LEPROTL1: variants seen among roughly 807,000 people sequenced by gnomAD.
LEPROTL1 encodes leptin receptor overlapping transcript like 1.
Under a neutral mutation model 15.4 loss-of-function variants are expected in LEPROTL1, and 6 were observed. The ratio of observed to expected loss-of-function variants is 0.39; its 90% CI spans 0.21 to 0.77. LEPROTL1 has a LOEUF of 0.77. Ranked by LOEUF, LEPROTL1 falls within the 30% of genes least tolerant of loss-of-function variation. LEPROTL1 has a pLI of 0.41. For synonymous variants in LEPROTL1, 56 were observed against 52.6 expected, an observed-to-expected ratio of 1.06 and a Z score of -0.28; for missense variants, 128 against 158.1, an observed-to-expected ratio of 0.81 and a Z score of 1.02.
intron 1 of LEPROTL1, chr8:30,095,788 GC>G: frequency 4.3e-6 from 3 of 699,196 alleles, no homozygotes; most frequent in East Asian, 2.7e-5. Context: ...CCCACCCATC[GC>G]CCCCCGGACA....
At chr8:30,112,646 A>G (rs1278136517), downstream of LEPROTL1, among the ~76,000 whole-genome samples, 2 of 151,386 alleles carry the variant, frequency 1.3e-5, no homozygotes, top group African/African-American at 4.8e-5. Context: ...CTGGAGGCAG[A>G]CCACCCAACT....
chr8:30,132,917 A>C (rs1348649446), intron 4 of LEPROTL1: 1 of 1,496,240 alleles, frequency 6.7e-7, no homozygotes, highest in Non-Finnish European at 8.9e-7. Context: ...CTGCAAGATA[A>C]TTTTTTAAAG....
intron 2 of LEPROTL1, among the ~76,000 whole-genome samples, chr8:30,103,059 A>G (rs1327082841): frequency 2.6e-5 from 4 of 152,086 alleles, no homozygotes; most frequent in Admixed American, 1.3e-4. Context: ...AGCCTTGTTT[A>G]TTTTTTGGTT....
intron 2 of LEPROTL1, among the ~76,000 whole-genome samples, chr8:30,103,781 C>T (rs1225352506): frequency 1.3e-5 from 2 of 151,152 alleles, no homozygotes; most frequent in East Asian, 3.9e-4. Context: ...TAAGTAGCTG[C>T]TTATCATTAG....
chr8:30,137,506 C>T (rs1803175553), exon 5 of LEPROTL1: 2 of 1,546,160 alleles, frequency 1.3e-6, no homozygotes, highest in African/African-American at 1.4e-5. Flanking sequence ...ACAATGACAA[C>T]TACTGCTCAG....
At chr8:30,113,917 A>G (rs1265963348) in intron 3 of LEPROTL1, among the ~76,000 whole-genome samples, 1 of 152,120 alleles carries the variant, frequency 6.6e-6, no homozygotes, top group Non-Finnish European at 1.5e-5. Context: ...TACAGTTTTA[A>G]GTATTGGAGC....
intron 3 of LEPROTL1, chr8:30,117,251 G>C: frequency 1.7e-6 from 1 of 587,654 alleles, no homozygotes; most frequent in Non-Finnish European, 3.0e-6. Context: ...GCTTTGGGAG[G>C]TGGAGGCAGG....
At chr8:30,117,835 A>G (rs1016143155) in intron 3 of LEPROTL1, 5 of 627,554 alleles carry the variant, frequency 8.0e-6, no homozygotes, top group Non-Finnish European at 1.4e-5. Context: ...TCTATAAAAA[A>G]TTTTTAAAAT....
intron 3 of LEPROTL1, chr8:30,104,717 T>C (rs1371683129): frequency 1.0e-4 from 29 of 284,826 alleles, no homozygotes; most frequent in Non-Finnish European, 1.3e-4. Flanking sequence ...TTTTTTTCTT[T>C]TTTTTTTTTT....
chr8:30,120,417 G>C (rs562533572), intron 3 of LEPROTL1, among the ~76,000 whole-genome samples: 4 of 151,924 alleles, frequency 2.6e-5, no homozygotes, highest in African/African-American at 9.7e-5. Flanking sequence ...ATATAAAGAG[G>C]GCAAAATGTA....
chr8:30,130,163 G>A (rs1802980183), intron 3 of LEPROTL1, among the ~76,000 whole-genome samples: 1 of 152,150 alleles, frequency 6.6e-6, no homozygotes, highest in African/African-American at 2.4e-5. Context: ...TACTCAACAA[G>A]CTGAGATACC....
chr8:30,100,135 G>T (rs1722517474), intron 1 of LEPROTL1, among the ~76,000 whole-genome samples: 1 of 152,194 alleles, frequency 6.6e-6, no homozygotes, highest in African/African-American at 2.4e-5. Context: ...GGGTTGCCAT[G>T]ACCTGCATCA....
chr8:30,116,820 G>C (rs1802748443), intron 3 of LEPROTL1, among the ~76,000 whole-genome samples: 1 of 152,212 alleles, frequency 6.6e-6, no homozygotes, highest in Admixed American at 6.5e-5. Flanking sequence ...AAGTCAGACA[G>C]ACATCGTGGG....
At chr8:30,124,403 C>A (rs1204917534) in intron 3 of LEPROTL1, among the ~76,000 whole-genome samples, 3 of 152,172 alleles carry the variant, frequency 2.0e-5, no homozygotes, top group Non-Finnish European at 4.4e-5. Context: ...ATTCTGAACA[C>A]ATGGCTGTTC....
chr8:30,134,344 ACCTGG>A (rs1585483334), intron 4 of LEPROTL1, among the ~76,000 whole-genome samples: 1 of 151,844 alleles, frequency 6.6e-6, no homozygotes, highest in East Asian at 1.9e-4. Flanking sequence ...AGTCACTGGA[ACCTGG>A]GAGGCGGAGG....
intron 3 of LEPROTL1, among the ~76,000 whole-genome samples, chr8:30,105,501 TACC>T (rs1802548395): frequency 6.7e-6 from 1 of 149,558 alleles, no homozygotes; most frequent in Non-Finnish European, 1.5e-5. Flanking sequence ...AGTATAAAAG[TACC>T]ACTTTTATAC....
rs149019082 is a variant in LEPROTL1 at position 30,132,273 on chromosome 8, C to G, written c.280-102C>G. Reference sequence around the variant, plus strand: ...CAGAGAAGGCAAATGTCTGCAACAACGGCCAAGCCCTGCTGTGCTGGAATA... The same window carrying G: ...CAGAGAAGGCAAATGTCTGCAACAAGGGCCAAGCCCTGCTGTGCTGGAATA... On this transcript the variant is annotated intron_variant, in intron 3 of 4. Coordinates refer to the LEPROTL1 transcript ENST00000442880. 18 of 1,551,780 alleles carry G rather than the reference C, an allele frequency of 1.2e-5. No individual in the cohort carries two copies. In the South Asian group the frequency reaches 2.1e-4, roughly 18 times the overall value.
chr8:30,107,392 C>T lies in LEPROTL1; in HGVS notation c.*1530C>T, dbSNP rs1802585448. 18 of 985,046 alleles carry T rather than the reference C, an allele frequency of 1.8e-5. No homozygotes were observed. Among genetic ancestry groups the T allele is most frequent in the Middle Eastern group, 5.2e-4 (1 of 1,914 alleles). 61.0% of individuals were successfully genotyped at this position (985,046 alleles called of 1,614,324 possible). The stretch of plus-strand genomic sequence containing the variant: ...AAGGATATTTGTTTGTATGTTTATT[C>T]AGTATACTTACATAAAAATTATTTC... On this transcript the variant is annotated 3_prime_UTR_variant, in exon 4 of 4. Transcript: ENST00000321250.
At chr8:30,120,020 G>T (rs1243380015) in intron 3 of LEPROTL1, among the ~76,000 whole-genome samples, 2 of 152,122 alleles carry the variant, frequency 1.3e-5, no homozygotes, top group African/African-American at 4.8e-5. Context: ...AGTGAGCCGA[G>T]ATGCCACTGC....
Sources: allele counts gnomAD v4.1 joint callset (sites outside exome capture counted in the v4.1 genomes callset), GRCh38; gene constraint gnomAD v4.1.1; transcripts MANE v1.5; gene names NCBI Gene and HGNC (gene_info 2026-07-23, HGNC 2026-07-21).